SCAF4: variants seen among roughly 807,000 people sequenced by gnomAD.
SCAF4 encodes the protein SR-related and CTD-associated factor 4.
SCAF4 carries 25 observed loss-of-function variants against 129.8 expected under a neutral mutation model. The ratio of observed to expected loss-of-function variants is 0.19; its 90% CI spans 0.14 to 0.27. SCAF4 has a LOEUF of 0.27. Ranked by LOEUF, SCAF4 falls within the 10% of genes least tolerant of loss-of-function variation. The pLI, the probability that SCAF4 is intolerant of heterozygous loss-of-function variation, is 1.00. For synonymous variants in SCAF4, 551 were observed against 497.7 expected (o/e 1.11, Z -1.43); for missense variants, 1,246 against 1,457.1 (o/e 0.86, Z 2.36).
intron 13 of SCAF4, 46 bp downstream of exon 13, chr21:31,692,303 T>A (rs776048398): frequency 7.7e-6 from 11 of 1,423,908 alleles, no homozygotes; most frequent in Non-Finnish European, 1.1e-5. Context: ...AAAATGACAT[T>A]AATCACACCT....
intron 1 of SCAF4, among the ~76,000 whole-genome samples, chr21:31,717,202 T>C (rs1328363059): frequency 1.3e-5 from 2 of 152,180 alleles, no homozygotes; most frequent in African/African-American, 4.8e-5. Flanking sequence ...CTAAAAAATG[T>C]CCATACCTTT....
rs776961657 is a variant in SCAF4, at chr21:31,701,726, C to A, written c.600+50G>T. The stretch of plus-strand genomic sequence containing the variant: ...ATGAAGAATAGAAAACAAGAAGTGA[C>A]AACAGTACCTAGTCCTGCAAACAAT... On this transcript the variant is annotated intron_variant, in intron 6 of 19. Coordinates refer to ENST00000286835, the MANE Select transcript of SCAF4 (RefSeq NM_020706.2). 4 of 1,542,288 alleles carry A rather than the reference C, an allele frequency of 2.6e-6. No homozygotes were observed. The African/African-American group carries it at 5.6e-5, about 22-fold the overall frequency.
Position 31,671,689 on chromosome 21 carries a change from G to A in SCAF4, c.3154C>T (p.Arg1052Cys), listed in dbSNP as rs758295971. The A allele has an allele frequency of 8.1e-6, 13 of 1,613,520 alleles. No homozygotes were observed. The highest frequency in any genetic ancestry group is 2.7e-5 in the African/African-American group (2 of 74,852). Residue 1052 changes from arginine to cysteine, a missense_variant, in exon 20 of 20, where the codon CGC becomes TGC. Arg to Cys is a radical substitution (Grantham distance 180). Coordinates refer to ENST00000286835, the MANE Select transcript of SCAF4 (RefSeq NM_020706.2). ...RHRDLEERNRRSSGHRDRERD... is the reference protein window; with the variant it reads ...RHRDLEERNRCSSGHRDRERD... ...TCTCTGTCTCGATGCCCACTAGAGC[G>A]TCTATTTCTCTCTTCCAAGTCTCTG...
chr21:31,724,703 T>C (rs183350347), intron 1 of SCAF4, among the ~76,000 whole-genome samples: 2 of 152,230 alleles, frequency 1.3e-5, no homozygotes, highest in Admixed American at 1.3e-4. Flanking sequence ...ATTTTTACAG[T>C]GGCTTCGTAT....
At chr21:31,694,178 TG>T (rs932249355) in intron 11 of SCAF4, 25 bp downstream of exon 11, 8 of 1,369,512 alleles carry the variant, frequency 5.8e-6, no homozygotes, top group Non-Finnish European at 7.3e-6. Flanking sequence ...TATACAGGGT[TG>T]GAAAAAACAT....
At chr21:31,725,153 C>T (rs1000976547) in intron 1 of SCAF4, among the ~76,000 whole-genome samples, 1 of 152,170 alleles carries the variant, frequency 6.6e-6, no homozygotes, top group African/African-American at 2.4e-5. Context: ...TGCCAATAAT[C>T]GACCTGGTCC....
intron 19 of SCAF4, among the ~76,000 whole-genome samples, chr21:31,675,038 G>C (rs1010141453): frequency 6.6e-6 from 1 of 152,166 alleles, no homozygotes; most frequent in Non-Finnish European, 1.5e-5. Context: ...AGGCCAGTGA[G>C]TTAAGGAAGG....
At chr21:31,699,633 A>G (rs1379589433) in intron 7 of SCAF4, among the ~76,000 whole-genome samples, 1 of 152,152 alleles carries the variant, frequency 6.6e-6, no homozygotes, top group Non-Finnish European at 1.5e-5. Context: ...TGGATTTTTA[A>G]TTTAGACTAT....
At chr21:31,723,552 T>C (rs911180484) in intron 1 of SCAF4, among the ~76,000 whole-genome samples, 2 of 152,140 alleles carry the variant, frequency 1.3e-5, no homozygotes, top group Admixed American at 1.3e-4. Context: ...GATAAGTTTT[T>C]CCACTATTTC....
At chr21:31,693,192 G>A in intron 12 of SCAF4, 102 bp downstream of exon 12, 1 of 817,694 alleles carries the variant, frequency 1.2e-6, no homozygotes, top group Admixed American at 3.2e-5. Flanking sequence ...AATCAACACA[G>A]TGGTAACATT....
At chr21:31,690,757 C>A in intron 15 of SCAF4, 40 bp downstream of exon 15, 1 of 1,574,642 alleles carries the variant, frequency 6.4e-7, no homozygotes, top group Non-Finnish European at 8.6e-7. Context: ...TACTACCAAG[C>A]AAATAAGTGA....
At position 31,694,301 on chromosome 21, in the gene SCAF4, A is replaced by G; in HGVS notation, c.1237-12T>C. 1 of 1,513,708 alleles carries G rather than the reference A, an allele frequency of 6.6e-7. No individual in the cohort carries two copies. The highest frequency in any genetic ancestry group is 2.3e-5 in the East Asian group (1 of 44,322). 93.8% of individuals were successfully genotyped at this position (1,513,708 alleles called of 1,614,324 possible). A position where few individuals can be genotyped will look rare whatever the true frequency, so the allele number is the denominator to read the frequency against. ...TCTACTTCCATTTCCTTAAAAAACA[A>G]AAACCATGATAAAATGAGAAATTTA... is the stretch of plus-strand genomic sequence containing the variant. On this transcript the variant is annotated splice_polypyrimidine_tract_variant and intron_variant, in intron 10 of 19. Coordinates refer to ENST00000286835, the MANE Select transcript of SCAF4 (RefSeq NM_020706.2).
intron 7 of SCAF4, 101 bp downstream of exon 7, chr21:31,700,894 G>T: frequency 8.0e-7 from 1 of 1,250,138 alleles, no homozygotes; most frequent in South Asian, 1.2e-5. Context: ...ATTACAAAAC[G>T]ACATAATGAA....
Position 31,702,508 on chromosome 21 carries a change from G to GAA in SCAF4, c.322-131_322-130dup, listed in dbSNP as rs60360895. On this transcript the variant is annotated intron_variant, in intron 4 of 19. Transcript: ENST00000286835. The stretch of plus-strand genomic sequence containing the variant: ...ATACTATGTGTGTTTCATAAACAAG[G>GAA]AAAAAAAAAAATCAGAATTACAACC... 1.8e-4 allele frequency: 115 copies of GAA among 627,252 alleles called. No individual in the cohort carries two copies. In the South Asian group the frequency reaches 2.4e-3, roughly 13 times the overall value. The allele number at this position is 627,252 out of a possible 1,614,324, so 38.9% of individuals were successfully genotyped here.
In SCAF4 at chr21:31,701,908, T is replaced by C. The variant is rs752597376; in HGVS notation, c.468A>G (p.Pro156=). 2 of 1,613,128 alleles carry C rather than the reference T, an allele frequency of 1.2e-6. No homozygotes were observed. The highest frequency in any genetic ancestry group is 1.1e-5 in the South Asian group (1 of 90,984). The change falls in exon 6 of 20, where the codon CCA becomes CCG. Residue 156 remains proline, a synonymous_variant. Coordinates refer to ENST00000286835, the MANE Select transcript of SCAF4 (RefSeq NM_020706.2). ...ENVTNNEGSP[P]PPVKVSSEPP... is the part of the protein sequence containing the mutation. ...GTTCAGAAGAAACTTTTACTGGAGG[T>C]GGAGGTGAGCCTAAAAAAGAAAAGG... is the stretch of plus-strand genomic sequence containing the variant.
At chr21:31,711,105 A>G (rs2050789707) in intron 1 of SCAF4, among the ~76,000 whole-genome samples, 8 of 152,176 alleles carry the variant, frequency 5.3e-5, no homozygotes, top group Admixed American at 4.6e-4. Flanking sequence ...CCACCCCACC[A>G]GAGAAGTTTC....
intron 1 of SCAF4, among the ~76,000 whole-genome samples, chr21:31,721,493 T>C (rs1450232797): frequency 6.6e-6 from 1 of 152,164 alleles, no homozygotes; most frequent in Non-Finnish European, 1.5e-5. Context: ...GGAGGAAATA[T>C]AGAGGAACAC....
intron 4 of SCAF4, among the ~76,000 whole-genome samples, chr21:31,703,072 A>T (rs1246895482): frequency 1.3e-5 from 2 of 152,176 alleles, no homozygotes; most frequent in East Asian, 3.8e-4. Flanking sequence ...TTGTAAAGCC[A>T]ACTGTATATA....
intron 3 of SCAF4, 80 bp downstream of exon 3, chr21:31,705,343 C>T: frequency 1.5e-6 from 1 of 665,538 alleles, no homozygotes; most frequent in East Asian, 3.2e-5. Flanking sequence ...GGTTTAGAAA[C>T]AAGCATTGAG....
Sources: gnomAD v4.1 joint callset for allele counts (sites outside exome capture counted in the v4.1 genomes callset) on GRCh38, gnomAD v4.1.1 for gene constraint, MANE v1.5 for transcripts, NCBI Gene and HGNC (gene_info 2026-07-23, HGNC 2026-07-21) for gene names.